The following ARFGEF1 variants were observed in gnomAD, a reference collection of about 807,000 sequenced individuals.
ARFGEF1 encodes the protein ARF guanine nucleotide exchange factor 1.
Under a neutral mutation model 231.0 loss-of-function variants are expected in ARFGEF1, and 42 were observed. The ratio of observed to expected loss-of-function variants is 0.18; its 90% CI spans 0.14 to 0.24. The LOEUF (loss-of-function observed/expected upper bound fraction) is 0.24. Ranked by LOEUF, ARFGEF1 falls within the 10% of genes least tolerant of loss-of-function variation. The pLI is 1.00. For missense variants in ARFGEF1, 1,345 were observed against 2,192.0 expected (o/e 0.61, Z 7.72); for synonymous variants, 710 against 732.3 (o/e 0.97, Z 0.49).
At chr8:67,182,283 C>G (rs948469532) in intron 5 of ARFGEF1, among the ~76,000 whole-genome samples, 4 of 151,862 alleles carry the variant, frequency 2.6e-5, no homozygotes, top group African/African-American at 9.7e-5. Flanking sequence ...GCTGAGATTA[C>G]AGGTGTGAGC....
At position 67,190,778 on chromosome 8, in the gene ARFGEF1, T is replaced by A. The variant is rs536123064; in HGVS notation, c.560+9618A>T. The A allele has an allele frequency of 3.3e-6, 5 of 1,535,402 alleles. No homozygotes were observed. In the African/African-American group the frequency reaches 6.8e-5, roughly 21 times the overall value. ...AGACATTGTATGTATGAGACTTTTC[T>A]CCCCCTTTTCAACTTAGAAGAATGA... On this transcript the variant is annotated intron_variant, in intron 5 of 5. Coordinates refer to the ARFGEF1 transcript ENST00000518789.
Position 67,277,666 on chromosome 8 carries a change from T to A in ARFGEF1, c.1028-209A>T, listed in dbSNP as rs530142828. 2.0e-4 allele frequency among the ~76,000 whole-genome samples: 30 copies of A among 152,288 alleles called. 1 individual carries two copies. The highest frequency in any genetic ancestry group is 6.7e-4 in the African/African-American group (28 of 41,580). On this transcript the variant is annotated intron_variant, in intron 7 of 38. Transcript: ENST00000262215. ...TACAATCCTTAAGTTGCTCTGGCAA[T>A]GAAACACACTTAGCTGATGAAAGGC...
chr8:67,198,815 T>A lies in ARFGEF1; in HGVS notation c.*119A>T. The A allele has an allele frequency of 6.7e-7, 1 of 1,482,606 alleles. No homozygotes were observed. Among genetic ancestry groups the A allele is most frequent in the Non-Finnish European group, 8.9e-7 (1 of 1,121,540 alleles). The allele number at this position is 1,482,606 out of a possible 1,614,324, so 91.8% of individuals were successfully genotyped here. On this transcript the variant is annotated 3_prime_UTR_variant, in exon 39 of 39. Coordinates refer to ENST00000262215, the MANE Select transcript of ARFGEF1 (RefSeq NM_006421.5). ...GTTTGAGTAAGACTTCTAAGCATCT[T>A]TACCAGTAACTCAGACACTGCAATC...
At chr8:67,294,318 C>T (rs1021837047) in intron 5 of ARFGEF1, among the ~76,000 whole-genome samples, 1 of 151,876 alleles carries the variant, frequency 6.6e-6, no homozygotes. Flanking sequence ...CAGGATGTGA[C>T]GAATACCAAA....
At chr8:67,334,610 C>G (rs985692536) in intron 1 of ARFGEF1, among the ~76,000 whole-genome samples, 19 of 152,200 alleles carry the variant, frequency 1.2e-4, no homozygotes, top group African/African-American at 4.6e-4. Flanking sequence ...TACGTCCACA[C>G]AAAGACTTAT....
At chr8:67,291,652 G>T (rs1437793638) in intron 6 of ARFGEF1, among the ~76,000 whole-genome samples, 195 bp downstream of exon 6, 1 of 152,084 alleles carries the variant, frequency 6.6e-6, no homozygotes, top group Non-Finnish European at 1.5e-5. Context: ...TAAATGCAAA[G>T]TATCATTCAT....
At chr8:67,240,069 G>A in intron 20 of ARFGEF1, 93 bp downstream of exon 20, 2 of 1,489,920 alleles carry the variant, frequency 1.3e-6, no homozygotes, top group South Asian at 1.2e-5. Flanking sequence ...AGTTTTTAAT[G>A]TCACACATAA....
At chr8:67,341,040 T>G (rs747128033) in intron 1 of ARFGEF1, among the ~76,000 whole-genome samples, 9 of 152,294 alleles carry the variant, frequency 5.9e-5, no homozygotes, top group Admixed American at 3.9e-4. Context: ...ATACAATCAT[T>G]AAGTTCAATA....
At chr8:67,219,671 T>C (rs1839079440) in intron 29 of ARFGEF1, 111 bp from the exon 30 acceptor site, 14 of 1,145,326 alleles carry the variant, frequency 1.2e-5, no homozygotes, top group Non-Finnish European at 1.6e-5. Flanking sequence ...AAAACTAGTC[T>C]GAAATTAACA....
intron 22 of ARFGEF1, among the ~76,000 whole-genome samples, chr8:67,237,184 T>C (rs1264107223): frequency 2.0e-5 from 3 of 152,186 alleles, no homozygotes; most frequent in Non-Finnish European, 4.4e-5. Context: ...ATGGAGTAAT[T>C]ACAGTTCTAA....
At chr8:67,212,859 G>A (rs1224766897) in intron 33 of ARFGEF1, among the ~76,000 whole-genome samples, 1 of 152,030 alleles carries the variant, frequency 6.6e-6, no homozygotes, top group Non-Finnish European at 1.5e-5. Context: ...TTTGGTCACG[G>A]GCCCTCTTGA....
intron 1 of ARFGEF1, among the ~76,000 whole-genome samples, chr8:67,311,111 G>T (rs1354034176): frequency 9.6e-5 from 14 of 146,366 alleles, no homozygotes; most frequent in Middle Eastern, 4.0e-3. Flanking sequence ...GGAGGGAGGT[G>T]GGGGGGTCAG....
At chr8:67,244,274 G>C (rs1587122757) in intron 19 of ARFGEF1, among the ~76,000 whole-genome samples, 1 of 11,706 alleles carries the variant, frequency 8.5e-5, no homozygotes, top group Non-Finnish European at 1.3e-4. Flanking sequence ...AAAAACATTC[G>C]ACTACTGAGT....
intron 1 of ARFGEF1, among the ~76,000 whole-genome samples, chr8:67,335,828 C>T (rs1300635201): frequency 6.6e-6 from 1 of 151,738 alleles, no homozygotes; most frequent in East Asian, 1.9e-4. Context: ...CTCACTGCAA[C>T]CTCCGCCTTC....
chr8:67,187,860 C>G (rs75420914), intron 5 of ARFGEF1, among the ~76,000 whole-genome samples: 1 of 152,158 alleles, frequency 6.6e-6, no homozygotes, highest in Admixed American at 6.5e-5. Context: ...ATAGATCTTA[C>G]GCCCTTCACA....
chr8:67,316,231 A>C (rs1807309262), intron 1 of ARFGEF1, among the ~76,000 whole-genome samples: 1 of 152,216 alleles, frequency 6.6e-6, no homozygotes. Flanking sequence ...AATATGAAAT[A>C]GATCATTTGA....
intron 6 of ARFGEF1, among the ~76,000 whole-genome samples, chr8:67,291,305 A>T (rs1328860619): frequency 6.6e-6 from 1 of 152,106 alleles, no homozygotes; most frequent in African/African-American, 2.4e-5. Context: ...ATATACACTT[A>T]AAAAATCAGA....
chr8:67,302,534 G>A, intron 1 of ARFGEF1, 68 bp from the exon 2 acceptor site: 1 of 1,174,578 alleles, frequency 8.5e-7, no homozygotes, highest in East Asian at 2.6e-5. Context: ...AATTTCTTAA[G>A]TTCTATAAAC....
At chr8:67,300,947 T>C (rs957159582) in intron 3 of ARFGEF1, among the ~76,000 whole-genome samples, 1 of 152,138 alleles carries the variant, frequency 6.6e-6, no homozygotes, top group Non-Finnish European at 1.5e-5. Context: ...AGGTCTTGCA[T>C]TTCACTGATG....
Sources: allele counts gnomAD v4.1 joint callset (sites outside exome capture counted in the v4.1 genomes callset), GRCh38; gene constraint gnomAD v4.1.1; transcripts MANE v1.5; gene names NCBI Gene and HGNC (gene_info 2026-07-23, HGNC 2026-07-21).